SUPT3H: variants seen among roughly 807,000 people sequenced by gnomAD.
SUPT3H encodes SPT3 homolog, SAGA and STAGA complex component.
Under a neutral mutation model 44.3 loss-of-function variants are expected in SUPT3H, and 44 were observed. The observed-to-expected ratio is 0.99, with a 90% confidence interval of 0.78 to 1.28. The LOEUF is 1.28. Among genes scored for constraint, SUPT3H ranks in the 50% most tolerant of loss-of-function variants. SUPT3H has a pLI of 0.00. For synonymous variants in SUPT3H, 124 were observed against 125.6 expected, an observed-to-expected ratio of 0.99 and a Z score of 0.09; for missense variants, 380 against 387.1, an observed-to-expected ratio of 0.98 and a Z score of 0.15.
At chr6:45,116,675 GGTTTT>G (rs1401106493) in intron 2 of SUPT3H, among the ~76,000 whole-genome samples, 8 of 152,010 alleles carry the variant, frequency 5.3e-5, no homozygotes, top group Non-Finnish European at 1.0e-4. Flanking sequence ...TTAAAGGTCT[GGTTTT>G]GTTTTGTTTT....
chr6:45,105,533 G>A (rs759597826), intron 3 of SUPT3H, among the ~76,000 whole-genome samples: 2 of 152,048 alleles, frequency 1.3e-5, no homozygotes, highest in Non-Finnish European at 2.9e-5. Flanking sequence ...ATTGTCAAAT[G>A]GCATGTCTAA....
chr6:44,809,127 A>C (rs1443094813), downstream of SUPT3H, among the ~76,000 whole-genome samples: 1 of 152,232 alleles, frequency 6.6e-6, no homozygotes, highest in African/African-American at 2.4e-5. Context: ...AAACAGATAG[A>C]GCACTGAGAA....
chr6:45,171,682 T>C (rs1387381495), intron 2 of SUPT3H, among the ~76,000 whole-genome samples: 1 of 151,272 alleles, frequency 6.6e-6, no homozygotes, highest in Non-Finnish European at 1.5e-5. Context: ...ATCATTCCCT[T>C]CTGGTAAGGC....
chr6:45,311,722 T>C (rs1783982544), intron 2 of SUPT3H, among the ~76,000 whole-genome samples: 1 of 151,970 alleles, frequency 6.6e-6, no homozygotes. Flanking sequence ...CTAAACATCA[T>C]ATATGAAGGA....
intron 2 of SUPT3H, among the ~76,000 whole-genome samples, chr6:45,172,192 C>T (rs1810919732): frequency 2.0e-5 from 3 of 151,784 alleles, no homozygotes; most frequent in African/African-American, 7.3e-5. Flanking sequence ...CCTCCCTCAG[C>T]CTCCAGAGTA....
intron 3 of SUPT3H, among the ~76,000 whole-genome samples, chr6:45,100,074 C>T (rs1798336589): frequency 6.6e-6 from 1 of 151,954 alleles, no homozygotes; most frequent in South Asian, 2.1e-4. Context: ...TCTCACCATA[C>T]TCAAAAAATC....
chr6:45,104,557 C>A (rs928287075), intron 3 of SUPT3H, among the ~76,000 whole-genome samples: 11 of 152,002 alleles, frequency 7.2e-5, no homozygotes, highest in Admixed American at 2.0e-4. Flanking sequence ...GCAGTTTGAA[C>A]ATGGATTTCT....
At chr6:45,216,074 C>T (rs1225089930) in intron 2 of SUPT3H, among the ~76,000 whole-genome samples, 3 of 152,112 alleles carry the variant, frequency 2.0e-5, no homozygotes, top group Non-Finnish European at 4.4e-5. Flanking sequence ...GAATATCATA[C>T]ACAGCAAGGC....
At chr6:44,989,137 G>C (rs1237379873) in intron 6 of SUPT3H, among the ~76,000 whole-genome samples, 1 of 152,034 alleles carries the variant, frequency 6.6e-6, no homozygotes, top group African/African-American at 2.4e-5. Context: ...TATCTGATGA[G>C]TTTGAGATGA....
In SUPT3H at chr6:45,273,875, C is replaced by A. The variant is rs923462512; in HGVS notation, c.101+91326G>T. Reference sequence around the variant, plus strand: ...ACGTGGGAAATCTGTATTCATTTAACCTCTAGAAAAACTGCTAAAAATGTT... The same window carrying A: ...ACGTGGGAAATCTGTATTCATTTAAACTCTAGAAAAACTGCTAAAAATGTT... On this transcript the variant is annotated intron_variant, in intron 2 of 10. Coordinates refer to ENST00000371459, the MANE Select transcript of SUPT3H (RefSeq NM_003599.4). Among the ~76,000 whole-genome samples the A allele has an allele frequency of 2.6e-5, 4 of 152,262 alleles. No homozygotes were observed. The East Asian group carries it at 5.8e-4, about 22-fold the overall frequency.
chr6:45,172,222 G>A (rs1267901543), intron 2 of SUPT3H, among the ~76,000 whole-genome samples: 1 of 150,286 alleles, frequency 6.7e-6, no homozygotes, highest in Non-Finnish European at 1.5e-5. Flanking sequence ...ATAGGCTCAC[G>A]CTACCACGCC....
chr6:45,113,808 C>A (rs543870394), intron 2 of SUPT3H, among the ~76,000 whole-genome samples: 2 of 133,424 alleles, frequency 1.5e-5, no homozygotes, highest in Non-Finnish European at 3.0e-5. Context: ...CCAGCCTGGG[C>A]GACAGAGCAA....
Position 44,954,551 on chromosome 6 carries a change from G to A in SUPT3H, c.637C>T (p.Pro213Ser), listed in dbSNP as rs771799380. 3 of 1,613,932 alleles carry A rather than the reference G, an allele frequency of 1.9e-6. No individual in the cohort carries two copies. Among genetic ancestry groups the A allele is most frequent in the East Asian group, 2.2e-5 (1 of 44,880 alleles). ...AAGATTTCCATTGCGACAACATTGG[G>A]TTTTATCTCCATACTGCTGCAGTCC... ...WLDCSSMEIKPNVVAMEILAY... is the reference protein window; with the variant it reads ...WLDCSSMEIKSNVVAMEILAY... Residue 213 changes from proline to serine, a missense_variant, in exon 8 of 11, where the codon CCC becomes TCC. Physicochemically the swap from Pro to Ser is moderately conservative, Grantham distance 74 (BLOSUM62 -1). Coordinates refer to ENST00000371459, the MANE Select transcript of SUPT3H (RefSeq NM_003599.4).
At chr6:44,885,995 C>T (rs1762213242) in intron 10 of SUPT3H, among the ~76,000 whole-genome samples, 1 of 152,090 alleles carries the variant, frequency 6.6e-6, no homozygotes, top group Non-Finnish European at 1.5e-5. Flanking sequence ...CCGATTAGAT[C>T]AACTGGAAGA....
At chr6:45,177,159 T>A (rs1168359018) in intron 2 of SUPT3H, among the ~76,000 whole-genome samples, 1 of 152,146 alleles carries the variant, frequency 6.6e-6, no homozygotes, top group Non-Finnish European at 1.5e-5. Context: ...GCAAAGAAGT[T>A]GAAAACTTTG....
chr6:44,870,653 G>A lies in SUPT3H; in HGVS notation c.913-40796C>T, dbSNP rs569136123. On this transcript the variant is annotated intron_variant, in intron 10 of 10. Coordinates refer to ENST00000371459, the MANE Select transcript of SUPT3H (RefSeq NM_003599.4). ...AAAAGAAGGGGGAGGAGCCAAGATG[G>A]CCGAATAGGAACAGCTCCAGTCTAC... 1.3e-4 allele frequency among the ~76,000 whole-genome samples: 20 copies of A among 151,568 alleles called. No homozygotes were observed. In the East Asian group the frequency reaches 3.9e-3, roughly 29 times the overall value.
chr6:45,274,003 G>A (rs1776627295), intron 2 of SUPT3H, among the ~76,000 whole-genome samples: 2 of 152,296 alleles, frequency 1.3e-5, no homozygotes, highest in South Asian at 4.1e-4. Context: ...CTATCCTAGT[G>A]GGTGTGAAGT....
At chr6:45,129,432 T>A (rs1045898349) in intron 2 of SUPT3H, among the ~76,000 whole-genome samples, 1 of 152,208 alleles carries the variant, frequency 6.6e-6, no homozygotes, top group African/African-American at 2.4e-5. Flanking sequence ...AATTTCTAGT[T>A]ATGTGGTCTC....
At chr6:44,838,683 T>C (rs1229246622) in intron 10 of SUPT3H, among the ~76,000 whole-genome samples, 1 of 152,220 alleles carries the variant, frequency 6.6e-6, no homozygotes, top group Non-Finnish European at 1.5e-5. Flanking sequence ...GAGATACTCA[T>C]AAGCATTCAA....
Sources: gnomAD v4.1 joint callset for allele counts (sites outside exome capture counted in the v4.1 genomes callset) on GRCh38, gnomAD v4.1.1 for gene constraint, MANE v1.5 for transcripts, NCBI Gene and HGNC (gene_info 2026-07-23, HGNC 2026-07-21) for gene names.